Variants in PLSCR4 observed in about 807,000 individuals in gnomAD.
The protein encoded by PLSCR4 is phospholipid scramblase 4.
In PLSCR4, 25 loss-of-function variants were observed where a neutral mutation model predicts 36.3. The observed-to-expected ratio is 0.69, with a 90% CI of 0.50 to 0.96. The LOEUF (loss-of-function observed/expected upper bound fraction) is 0.96, where lower values mean the gene tolerates loss of function less well. Among genes scored for constraint, PLSCR4 ranks in the 40% least tolerant of loss-of-function variants. The pLI, the probability that PLSCR4 is intolerant of heterozygous loss-of-function variation, is 0.00. For synonymous variants in PLSCR4, 122 were observed against 132.9 expected (o/e 0.92, Z 0.56); for missense variants, 408 against 414.7 (o/e 0.98, Z 0.14).
At chr3:146,223,344 A>G (rs896404789) in intron 1 of PLSCR4, among the ~76,000 whole-genome samples, 4 of 152,186 alleles carry the variant, frequency 2.6e-5, no homozygotes, top group Non-Finnish European at 4.4e-5. Context: ...AGTATCAACA[A>G]AGGCTATAAT....
intron 1 of PLSCR4, among the ~76,000 whole-genome samples, chr3:146,243,465 T>C (rs369109675): frequency 6.8e-4 from 104 of 152,282 alleles, no homozygotes; most frequent in Admixed American, 1.7e-3. Context: ...GATTATAATA[T>C]TCATGCAGAG....
intron 1 of PLSCR4, among the ~76,000 whole-genome samples, chr3:146,238,155 G>T (rs1014221229): frequency 6.6e-6 from 1 of 150,836 alleles, no homozygotes; most frequent in African/African-American, 2.4e-5. Context: ...CAGGAAACCT[G>T]AATAGAACTG....
chr3:146,249,473 TG>T (rs1400983628), intron 1 of PLSCR4, among the ~76,000 whole-genome samples: 8 of 152,120 alleles, frequency 5.3e-5, no homozygotes, highest in Non-Finnish European at 1.2e-4. Flanking sequence ...TATTCTTCCA[TG>T]TCTCTTCAGT....
At chr3:146,217,819 T>C (rs1428485628) in intron 3 of PLSCR4, among the ~76,000 whole-genome samples, 4 of 152,164 alleles carry the variant, frequency 2.6e-5, no homozygotes, top group Non-Finnish European at 4.4e-5. Flanking sequence ...AAGCAGTCTA[T>C]AGGTGGTTGG....
chr3:146,232,287 TTTC>T (rs1484074861), intron 1 of PLSCR4, among the ~76,000 whole-genome samples: 6 of 152,216 alleles, frequency 3.9e-5, no homozygotes, highest in Non-Finnish European at 8.8e-5. Context: ...CGCCTCTGGC[TTTC>T]TTCTTTTTGT....
At chr3:146,231,275 G>C (rs2035699786) in intron 1 of PLSCR4, among the ~76,000 whole-genome samples, 1 of 152,160 alleles carries the variant, frequency 6.6e-6, no homozygotes, top group Non-Finnish European at 1.5e-5. Context: ...TCACTGATGG[G>C]CAACTAGGTT....
At chr3:146,233,786 T>C (rs1297245846) in intron 1 of PLSCR4, among the ~76,000 whole-genome samples, 1 of 152,130 alleles carries the variant, frequency 6.6e-6, no homozygotes, top group Admixed American at 6.6e-5. Context: ...GCCAACTTAG[T>C]ATTCTACAAA....
At chr3:146,225,627 C>A (rs1261540044) in intron 1 of PLSCR4, among the ~76,000 whole-genome samples, 1 of 152,162 alleles carries the variant, frequency 6.6e-6, no homozygotes, top group Non-Finnish European at 1.5e-5. Context: ...CACCGGTGGG[C>A]TGGCACTGCT....
intron 4 of PLSCR4, among the ~76,000 whole-genome samples, chr3:146,202,969 T>C (rs1476292769): frequency 1.3e-5 from 2 of 152,002 alleles, no homozygotes; most frequent in Non-Finnish European, 2.9e-5. Context: ...GTTTCCATCA[T>C]ATCTGAAATT....
Position 146,206,697 on chromosome 3 carries a change from G to GA in PLSCR4, c.182_183insT (p.Ser62GlnfsTer68). ...GGAAGGTACTGGGTTGCTGTGGACT[G>GA]TAGTATCCCATAGGCAAGCCTCCTG... On this transcript the variant is annotated frameshift_variant, in exon 4 of 9. Transcript: ENST00000354952. LOFTEE classifies it high-confidence loss of function. 1 of 1,612,306 alleles carries GA rather than the reference G, an allele frequency of 6.2e-7. No homozygotes were observed. Among genetic ancestry groups the GA allele is most frequent in the South Asian group, 1.1e-5 (1 of 90,962 alleles).
At chr3:146,195,447 CTGGTT>C (rs1559895307) in intron 7 of PLSCR4, among the ~76,000 whole-genome samples, 165 bp from the exon 8 acceptor site, 1 of 152,162 alleles carries the variant, frequency 6.6e-6, no homozygotes, top group Non-Finnish European at 1.5e-5. Flanking sequence ...TGCCTTGCAA[CTGGTT>C]AATAACTGAG....
rs1559914476 is a variant in PLSCR4, at chr3:146,220,876, T to C, written c.57A>G (p.Gln19=). 6 of 1,613,860 alleles carry C rather than the reference T, an allele frequency of 3.7e-6. No homozygotes were observed. Among genetic ancestry groups the C allele is most frequent in the South Asian group, 2.2e-5 (2 of 91,014 alleles). ...CAGGCCTTGGATCTGGTGGTTTTGT[T>C]TGATTTTCCATTTCACCTGCAGGCT... The part of the protein sequence containing the change: ...PEQPAGEMEN[Q]TKPPDPRPDA... Residue 19 remains glutamine (Q), a synonymous_variant, in exon 3 of 9, where the codon CAA becomes CAG. Coordinates refer to ENST00000354952, the MANE Select transcript of PLSCR4 (RefSeq NM_020353.3).
chr3:146,202,453 A>C (rs2034097491), intron 4 of PLSCR4, among the ~76,000 whole-genome samples: 1 of 152,058 alleles, frequency 6.6e-6, no homozygotes, highest in African/African-American at 2.4e-5. Context: ...TAATTTTAAA[A>C]AACTTTATTG....
intron 1 of PLSCR4, among the ~76,000 whole-genome samples, chr3:146,231,490 A>G (rs558463713): frequency 1.3e-5 from 2 of 152,116 alleles, no homozygotes; most frequent in African/African-American, 2.4e-5. Flanking sequence ...GTATATAAGC[A>G]TTCCTTTTTC....
Position 146,211,393 on chromosome 3 carries a change from T to G in PLSCR4, c.119-4632A>C, listed in dbSNP as rs142606083. Among the ~76,000 whole-genome samples the G allele has an allele frequency of 5.6e-3, 850 of 152,256 alleles. 7 individuals are homozygous for G. Among genetic ancestry groups the G allele is most frequent in the African/African-American group, 0.018 (728 of 41,584 alleles). The stretch of plus-strand genomic sequence containing the variant: ...TTAAATCTTTTGCCTACTTTAAAAC[T>G]GAATCATTTGTCTTTTTATTGTTGC... On this transcript the variant is annotated intron_variant, in intron 3 of 8. Coordinates refer to ENST00000354952, the MANE Select transcript of PLSCR4 (RefSeq NM_020353.3).
At position 146,250,978 on chromosome 3, in the gene PLSCR4, C is replaced by G. The variant is rs546443256; in HGVS notation, c.-40G>C. On this transcript the variant is annotated 5_prime_UTR_variant, in exon 1 of 9. Coordinates refer to ENST00000354952, the MANE Select transcript of PLSCR4 (RefSeq NM_020353.3). ...CACTCACCGCCTGCCCCGCAGAATG[C>G]TGGGCACCGGGGACGCCAGACGCCG... 9.8e-5 allele frequency: 15 copies of G among 153,054 alleles called. No individual in the cohort carries two copies. The highest frequency in any genetic ancestry group is 3.6e-4 in the African/African-American group (15 of 41,556). 9.5% of individuals were successfully genotyped at this position (153,054 alleles called of 1,614,324 possible).
At chr3:146,242,261 C>G (rs527990895) in intron 1 of PLSCR4, among the ~76,000 whole-genome samples, 3 of 152,156 alleles carry the variant, frequency 2.0e-5, no homozygotes, top group Non-Finnish European at 2.9e-5. Context: ...AATCGTTTTT[C>G]GCTCAGATAA....
At chr3:146,197,487 A>T (rs140096974) in intron 6 of PLSCR4, among the ~76,000 whole-genome samples, 1 of 152,316 alleles carries the variant, frequency 6.6e-6, no homozygotes, top group East Asian at 1.9e-4. Flanking sequence ...GGGTAAAATC[A>T]AATCTCAGAC....
intron 1 of PLSCR4, among the ~76,000 whole-genome samples, chr3:146,229,716 C>G (rs2035628955): frequency 6.6e-6 from 1 of 151,656 alleles, no homozygotes. Context: ...GCTCCGCCTC[C>G]CGGGTCCACG....
Sources: gnomAD v4.1 joint callset for allele counts (sites outside exome capture counted in the v4.1 genomes callset) on GRCh38, gnomAD v4.1.1 for gene constraint, MANE v1.5 for transcripts, NCBI Gene and HGNC (gene_info 2026-07-23, HGNC 2026-07-21) for gene names.